Variants in NCOA3 observed in about 807,000 individuals in gnomAD.
The protein encoded by NCOA3 is CBP-interacting protein.
In NCOA3, 51 loss-of-function variants were observed where a neutral mutation model predicts 158.8. The observed-to-expected ratio is 0.32, with a 90% CI of 0.26 to 0.41. NCOA3 has a LOEUF of 0.41. NCOA3 is among the 10% of genes least tolerant of loss of function. The pLI is 1.00. For missense variants in NCOA3, 1,510 were observed against 1,746.6 expected (o/e 0.86, Z 2.41); for synonymous variants, 537 against 592.4 (o/e 0.91, Z 1.36).
At chr20:47,508,049 T>TA (rs376834537) in intron 1 of NCOA3, among the ~76,000 whole-genome samples, 68 of 150,962 alleles carry the variant, frequency 4.5e-4, no homozygotes, top group South Asian at 4.0e-3. Context: ...ATTGTATTGT[T>TA]TAAAAAAAAG....
chr20:47,621,234 A>C (rs1452176622), intron 2 of NCOA3, among the ~76,000 whole-genome samples: 1 of 151,502 alleles, frequency 6.6e-6, no homozygotes, highest in Non-Finnish European at 1.5e-5. Flanking sequence ...TGATTTTTTA[A>C]ATTTTTATTT....
chr20:47,576,809 C>T (rs1465627675), intron 1 of NCOA3, among the ~76,000 whole-genome samples: 6 of 152,208 alleles, frequency 3.9e-5, no homozygotes, highest in Admixed American at 3.3e-4. Flanking sequence ...ACGCCTTCCA[C>T]TGGTGGAGCC....
chr20:47,558,070 T>TG (rs1457744658), intron 1 of NCOA3, among the ~76,000 whole-genome samples: 7 of 150,464 alleles, frequency 4.7e-5, no homozygotes, highest in Non-Finnish European at 8.9e-5. Context: ...TTTTTTTTTT[T>TG]TTTTGAGATG....
At chr20:47,528,360 AATAATTC>A (rs1224144770) in intron 1 of NCOA3, among the ~76,000 whole-genome samples, 1 of 152,226 alleles carries the variant, frequency 6.6e-6, no homozygotes, top group Non-Finnish European at 1.5e-5. Context: ...AAAATGAATA[AATAATTC>A]CTTGTCTGTT....
Position 47,636,533 on chromosome 20 carries a change from G to T in NCOA3, c.2147G>T (p.Cys716Phe). 2 of 1,614,214 alleles carry T rather than the reference G, an allele frequency of 1.2e-6. No homozygotes were observed. Among genetic ancestry groups the T allele is most frequent in the Non-Finnish European group, 1.7e-6 (2 of 1,180,048 alleles). ...TGKDTSSITS[C>F]GDGNVVKQEQ... Reference sequence around the variant, plus strand: ...AAAGACACCAGCAGTATAACTTCTTGTGGGGACGGAAATGTTGTCAAGCAG... The same window carrying T: ...AAAGACACCAGCAGTATAACTTCTTTTGGGGACGGAAATGTTGTCAAGCAG... Residue 716 changes from cysteine (C) to phenylalanine (F), a missense_variant, in exon 12 of 23, where the codon TGT becomes TTT. By Grantham distance (205) the Cys-to-Phe change is radical. Transcript: ENST00000371998.
intron 1 of NCOA3, among the ~76,000 whole-genome samples, chr20:47,570,939 T>TATATACACACACACACAC (rs369516174): frequency 8.7e-6 from 1 of 114,872 alleles, no homozygotes; most frequent in African/African-American, 3.5e-5. Context: ...GTAATATATA[T>TATATACACACACACACAC]ACACACACAC....
chr20:47,523,152 C>G (rs952991424), intron 1 of NCOA3, among the ~76,000 whole-genome samples: 5 of 152,232 alleles, frequency 3.3e-5, no homozygotes, highest in African/African-American at 1.2e-4. Flanking sequence ...CGCCACTGCA[C>G]TCCAGGCTGG....
At chr20:47,572,217 G>A (rs539743599) in intron 1 of NCOA3, among the ~76,000 whole-genome samples, 1 of 152,256 alleles carries the variant, frequency 6.6e-6, no homozygotes, top group South Asian at 2.1e-4. Context: ...CTTCTTACCA[G>A]CAATAAGGCT....
chr20:47,639,266 C>T (rs1216130569), intron 14 of NCOA3, 64 bp downstream of exon 14: 1 of 1,325,834 alleles, frequency 7.5e-7, no homozygotes, highest in East Asian at 2.3e-5. Context: ...ATACTTAAAG[C>T]CATCTAAATA....
chr20:47,627,212 A>G (rs2086336972), intron 6 of NCOA3, 36 bp downstream of exon 6: 1 of 1,491,664 alleles, frequency 6.7e-7, no homozygotes, highest in African/African-American at 1.4e-5. Flanking sequence ...AATAGGTTAA[A>G]TTTTTTTCCT....
intron 1 of NCOA3, among the ~76,000 whole-genome samples, chr20:47,529,128 AT>A (rs1276220271): frequency 1.4e-5 from 2 of 147,530 alleles, no homozygotes; most frequent in African/African-American, 5.0e-5. Context: ...ATTTAAAAAA[AT>A]TTTTTTTCTT....
At chr20:47,587,899 T>A (rs1295245102) in intron 2 of NCOA3, among the ~76,000 whole-genome samples, 2 of 152,178 alleles carry the variant, frequency 1.3e-5, no homozygotes, top group Non-Finnish European at 2.9e-5. Flanking sequence ...CTTATTATTA[T>A]GTGGGAATCC....
chr20:47,561,495 A>G (rs1262744156), intron 1 of NCOA3, among the ~76,000 whole-genome samples: 1 of 139,256 alleles, frequency 7.2e-6, no homozygotes, highest in Admixed American at 7.2e-5. Context: ...TTTTTTTTTT[A>G]TTTCATAGAG....
chr20:47,651,107 G>A lies in NCOA3; in HGVS notation c.3777G>A (p.Gln1259=), dbSNP rs575502511. Residue 1259 remains glutamine, a synonymous_variant, in exon 20 of 23, where the codon CAG becomes CAA. Coordinates refer to ENST00000371998, the MANE Select transcript of NCOA3 (RefSeq NM_181659.3). Reference sequence around the variant, plus strand: ...AGCAGCAGCAACAGCAGCAGCAGCAGCAGCAGCAGCAGCAACAGCAACAGC... The same window carrying A: ...AGCAGCAGCAACAGCAGCAGCAGCAACAGCAGCAGCAGCAACAGCAACAGC... ...QQQQQQQQQQ[Q]QQQQQQQQQQ... is the part of the protein sequence containing the mutation. The A allele has an allele frequency of 5.0e-6, 8 of 1,608,328 alleles. No homozygotes were observed. The highest frequency in any genetic ancestry group is 1.7e-4 in the Middle Eastern group (1 of 6,044).
chr20:47,538,970 C>G (rs549338435), intron 1 of NCOA3, among the ~76,000 whole-genome samples: 1 of 152,262 alleles, frequency 6.6e-6, no homozygotes, highest in African/African-American at 2.4e-5. Flanking sequence ...TTTCTCAAAC[C>G]TTTTATTTAG....
At chr20:47,533,384 A>G (rs1300627546) in intron 1 of NCOA3, among the ~76,000 whole-genome samples, 1 of 149,944 alleles carries the variant, frequency 6.7e-6, no homozygotes, top group Non-Finnish European at 1.5e-5. Context: ...TGATTAATTC[A>G]TGTTCATGTG....
intron 1 of NCOA3, among the ~76,000 whole-genome samples, chr20:47,579,242 G>A (rs182747755): frequency 1.6e-4 from 24 of 152,310 alleles, no homozygotes; most frequent in Admixed American, 1.3e-3. Context: ...AGTAGCTGGC[G>A]TTACAGGTGT....
At chr20:47,599,440 G>T (rs2085821310) in intron 2 of NCOA3, among the ~76,000 whole-genome samples, 1 of 152,026 alleles carries the variant, frequency 6.6e-6, no homozygotes, top group Non-Finnish European at 1.5e-5. Flanking sequence ...GTTCTTTTTG[G>T]GATAATGAAA....
At chr20:47,595,587 A>G (rs1028008106) in intron 2 of NCOA3, among the ~76,000 whole-genome samples, 15 of 152,288 alleles carry the variant, frequency 9.8e-5, no homozygotes, top group Middle Eastern at 3.4e-3. Flanking sequence ...GGCCAGTTCT[A>G]TCTAAACTGT....
Sources: gnomAD v4.1 joint callset for allele counts (sites outside exome capture counted in the v4.1 genomes callset) on GRCh38, gnomAD v4.1.1 for gene constraint, MANE v1.5 for transcripts, NCBI Gene and HGNC (gene_info 2026-07-23, HGNC 2026-07-21) for gene names.